EXT1: variants seen among roughly 807,000 people sequenced by gnomAD.
The protein encoded by EXT1 is exostosin-1.
Under a neutral mutation model 82.5 loss-of-function variants are expected in EXT1, and 20 were observed. The ratio of observed to expected loss-of-function variants is 0.24; its 90% CI spans 0.17 to 0.35. The LOEUF is 0.35. Ranked by LOEUF, EXT1 falls within the 10% of genes least tolerant of loss-of-function variation. The pLI, the probability that EXT1 is intolerant of heterozygous loss-of-function variation, is 1.00. For synonymous variants in EXT1, 348 were observed against 350.8 expected (o/e 0.99, Z 0.09); for missense variants, 757 against 936.5 (o/e 0.81, Z 2.50).
intron 1 of EXT1, among the ~76,000 whole-genome samples, chr8:117,895,017 A>C (rs535759663): frequency 6.6e-6 from 1 of 152,334 alleles, no homozygotes; most frequent in East Asian, 1.9e-4. Flanking sequence ...CAATGTCTAT[A>C]AGCTTCTGGG....
chr8:117,914,817 C>T (rs925629881), intron 1 of EXT1, among the ~76,000 whole-genome samples: 1 of 152,120 alleles, frequency 6.6e-6, no homozygotes, highest in Non-Finnish European at 1.5e-5. Context: ...ATACGTGCAC[C>T]GCTGAACATA....
intron 1 of EXT1, among the ~76,000 whole-genome samples, chr8:118,040,508 A>C (rs1360929087): frequency 2.0e-5 from 3 of 152,166 alleles, no homozygotes; most frequent in Non-Finnish European, 4.4e-5. Flanking sequence ...GTCAGTGGAC[A>C]TTTCCTTTGT....
intron 1 of EXT1, among the ~76,000 whole-genome samples, chr8:117,954,423 TGCTGAGATG>T (rs781583562): frequency 3.2e-4 from 49 of 152,300 alleles, no homozygotes; most frequent in Non-Finnish European, 6.5e-4. Context: ...CAAACTGGCA[TGCTGAGATG>T]GCAAAGTGAA....
At chr8:118,059,396 C>T (rs1333934095) in intron 1 of EXT1, among the ~76,000 whole-genome samples, 1 of 152,192 alleles carries the variant, frequency 6.6e-6, no homozygotes, top group African/African-American at 2.4e-5. Context: ...CAGGCCACCA[C>T]TCTCATAAGG....
intron 1 of EXT1, among the ~76,000 whole-genome samples, chr8:118,007,073 G>A (rs967743672): frequency 1.3e-4 from 20 of 152,152 alleles, no homozygotes; most frequent in East Asian, 7.7e-4. Context: ...CGAGACAGGC[G>A]GATCACGAGG....
intron 1 of EXT1, among the ~76,000 whole-genome samples, chr8:117,885,602 A>G (rs1813134801): frequency 6.6e-6 from 1 of 151,998 alleles, no homozygotes; most frequent in African/African-American, 2.4e-5. Flanking sequence ...GTAACATACC[A>G]TTAGAGGAGG....
intron 1 of EXT1, among the ~76,000 whole-genome samples, chr8:117,991,195 C>T (rs374744977): frequency 4.0e-4 from 61 of 152,140 alleles, no homozygotes; most frequent in African/African-American, 1.4e-3. Flanking sequence ...ACTGCAACCT[C>T]CACATCCCAG....
At chr8:117,803,179 G>A (rs1471955578) in intron 10 of EXT1, among the ~76,000 whole-genome samples, 3 of 151,862 alleles carry the variant, frequency 2.0e-5, no homozygotes, top group Non-Finnish European at 4.4e-5. Flanking sequence ...CTTTCTTAAG[G>A]TTTTTTGTTT....
At chr8:117,842,219 G>C (rs1563577038) in intron 1 of EXT1, among the ~76,000 whole-genome samples, 1 of 152,202 alleles carries the variant, frequency 6.6e-6, no homozygotes, top group Non-Finnish European at 1.5e-5. Context: ...TTTATAAACT[G>C]AGTAATCTTG....
chr8:117,832,976 C>T (rs1465293675), intron 3 of EXT1, among the ~76,000 whole-genome samples: 3 of 152,048 alleles, frequency 2.0e-5, no homozygotes, highest in Non-Finnish European at 4.4e-5. Flanking sequence ...AGAATAGATA[C>T]AAGAAAGTCA....
rs1364804073 is a variant in EXT1, at chr8:117,795,441, G to A, written c.*4271C>T. 6.7e-6 allele frequency: 1 copy of A among 150,038 alleles called. No homozygotes were observed. The highest frequency in any genetic ancestry group is 1.5e-5 in the Non-Finnish European group (1 of 67,832). The allele number at this position is 150,038 out of a possible 1,614,324, so 9.3% of individuals were successfully genotyped here. A position where few individuals can be genotyped will look rare whatever the true frequency, so the allele number is the denominator to read the frequency against. ...AGGTTCTGTACAGCATTATTGAACT[G>A]ATGGGAGAGACCACTATCTTAGGGT... On this transcript the variant is annotated 3_prime_UTR_variant, in exon 11 of 11. Coordinates refer to ENST00000378204, the MANE Select transcript of EXT1 (RefSeq NM_000127.3).
intron 1 of EXT1, among the ~76,000 whole-genome samples, chr8:117,847,433 A>G (rs1031671784): frequency 2.0e-5 from 3 of 152,056 alleles, no homozygotes; most frequent in Non-Finnish European, 2.9e-5. Flanking sequence ...TAAAAATGTC[A>G]TTTTCTCCCT....
intron 1 of EXT1, among the ~76,000 whole-genome samples, chr8:117,937,689 C>T (rs1814194122): frequency 6.6e-6 from 1 of 152,214 alleles, no homozygotes; most frequent in African/African-American, 2.4e-5. Context: ...GAGCATTTTC[C>T]CATTTGTTGG....
intron 1 of EXT1, among the ~76,000 whole-genome samples, chr8:118,043,107 C>G (rs1466212274): frequency 6.6e-6 from 1 of 152,190 alleles, no homozygotes; most frequent in Non-Finnish European, 1.5e-5. Context: ...CCAGATCAGC[C>G]TGCCCACCCA....
rs771760681 is a variant in EXT1, at chr8:117,799,713, C to T, written c.2240G>A (p.Ter747=). The part of the protein sequence containing the change: ...RKKYRDIERL[*] The stretch of plus-strand genomic sequence containing the variant: ...CCCTCCCCCACTCAGCCGGATTCCT[C>T]AAAGTCGCTCAATGTCTCGGTATTT... The change falls in exon 11 of 11, where the codon TGA becomes TAA. Residue 747 remains the stop codon, a stop_retained_variant. Coordinates refer to ENST00000378204, the MANE Select transcript of EXT1 (RefSeq NM_000127.3). 5 of 1,614,058 alleles carry T rather than the reference C, an allele frequency of 3.1e-6. No individual in the cohort carries two copies. Among genetic ancestry groups the T allele is most frequent in the Non-Finnish European group, 4.2e-6 (5 of 1,179,998 alleles).
At position 118,042,893 on chromosome 8, in the gene EXT1, G is replaced by A. The variant is rs192114825; in HGVS notation, c.962+67192C>T. 1.1e-4 allele frequency among the ~76,000 whole-genome samples: 17 copies of A among 152,224 alleles called. No individual in the cohort carries two copies. The East Asian group carries it at 2.1e-3, about 19-fold the overall frequency. ...TGTCATTAGATTACCCTGCTTGTATGCCTAACACCAAATTAAGAGCAGAAG... is the reference window on the plus strand; with the variant it reads ...TGTCATTAGATTACCCTGCTTGTATACCTAACACCAAATTAAGAGCAGAAG... On this transcript the variant is annotated intron_variant, in intron 1 of 10. Coordinates refer to ENST00000378204, the MANE Select transcript of EXT1 (RefSeq NM_000127.3).
intron 9 of EXT1, among the ~76,000 whole-genome samples, chr8:117,805,629 T>C (rs1823225519): frequency 6.6e-6 from 1 of 152,152 alleles, no homozygotes; most frequent in Admixed American, 6.5e-5. Flanking sequence ...AGAAGTGAAA[T>C]CTTGAGACCA....
intron 1 of EXT1, among the ~76,000 whole-genome samples, chr8:118,057,656 A>C (rs1816815223): frequency 6.8e-6 from 1 of 146,330 alleles, no homozygotes; most frequent in South Asian, 2.2e-4. Flanking sequence ...GGGTTCAAAA[A>C]ATGTCTGGTC....
chr8:117,807,997 A>G (rs572887199), intron 8 of EXT1, among the ~76,000 whole-genome samples: 2 of 152,354 alleles, frequency 1.3e-5, no homozygotes, highest in South Asian at 4.1e-4. Flanking sequence ...AGTGAAAATC[A>G]CTAAGAATAA....
Sources: gnomAD v4.1 joint callset for allele counts (sites outside exome capture counted in the v4.1 genomes callset) on GRCh38, gnomAD v4.1.1 for gene constraint, MANE v1.5 for transcripts, NCBI Gene and HGNC (gene_info 2026-07-23, HGNC 2026-07-21) for gene names.